Variants in PPP1R12B observed in about 807,000 individuals in gnomAD.
PPP1R12B encodes myosin phosphatase target subunit 2.
PPP1R12B carries 76 observed loss-of-function variants against 126.1 expected under a neutral mutation model. The ratio of observed to expected loss-of-function variants is 0.60; its 90% CI spans 0.50 to 0.73. The LOEUF (loss-of-function observed/expected upper bound fraction) is 0.73. Among genes scored for constraint, PPP1R12B ranks in the 30% least tolerant of loss-of-function variants. The probability of loss-of-function intolerance (pLI) is 0.00; values close to 1 mark genes in which losing one functional copy is unlikely to be tolerated. For missense variants in PPP1R12B, 1,052 were observed against 1,205.1 expected (o/e 0.87, Z 1.88); for synonymous variants, 356 against 434.7 (o/e 0.82, Z 2.25).
intron 1 of PPP1R12B, among the ~76,000 whole-genome samples, chr1:202,394,722 C>G (rs1664682979): frequency 6.6e-6 from 1 of 151,518 alleles, no homozygotes; most frequent in Non-Finnish European, 1.5e-5. Context: ...CCATTGCACT[C>G]TAGCCTGGGC....
chr1:202,402,597 C>T (rs892917293), intron 1 of PPP1R12B, among the ~76,000 whole-genome samples: 1 of 152,202 alleles, frequency 6.6e-6, no homozygotes, highest in Non-Finnish European at 1.5e-5. Context: ...CAGATTTGGA[C>T]TGTTAAGGCC....
chr1:202,559,098 C>T (rs1479135205), intron 19 of PPP1R12B, among the ~76,000 whole-genome samples: 1 of 152,238 alleles, frequency 6.6e-6, no homozygotes. Context: ...CTTCCTGCTT[C>T]CAGATTCTCC....
chr1:202,467,431 G>T (rs895489665), intron 13 of PPP1R12B, among the ~76,000 whole-genome samples: 2 of 151,146 alleles, frequency 1.3e-5, no homozygotes, highest in African/African-American at 4.9e-5. Flanking sequence ...GTGTCCATGT[G>T]TTCTCATTGT....
intron 8 of PPP1R12B, among the ~76,000 whole-genome samples, chr1:202,433,830 G>A (rs1670486535): frequency 1.3e-5 from 2 of 152,142 alleles, no homozygotes; most frequent in Non-Finnish European, 2.9e-5. Flanking sequence ...CTCTAGCACT[G>A]CCTACTTAAC....
intron 1 of PPP1R12B, among the ~76,000 whole-genome samples, chr1:202,364,563 AATTTATTTATTTTT>A (rs1658794839): frequency 6.6e-6 from 1 of 151,600 alleles, no homozygotes; most frequent in African/African-American, 2.4e-5. Flanking sequence ...TTTTTTAATT[AATTTATTTATTTTT>A]ATTTATTTAT....
intron 18 of PPP1R12B, among the ~76,000 whole-genome samples, chr1:202,547,128 T>C (rs1233146717): frequency 6.6e-6 from 1 of 152,204 alleles, no homozygotes; most frequent in Admixed American, 6.5e-5. Context: ...CTAAGCTGTG[T>C]GACAAATACC....
At chr1:202,381,094 T>C (rs921468538) in intron 1 of PPP1R12B, among the ~76,000 whole-genome samples, 1 of 152,250 alleles carries the variant, frequency 6.6e-6, no homozygotes, top group African/African-American at 2.4e-5. Context: ...AATGTGTCTG[T>C]ATTCCCTTGC....
intron 13 of PPP1R12B, chr1:202,463,025 G>A: frequency 2.0e-6 from 2 of 985,390 alleles, no homozygotes; most frequent in Non-Finnish European, 2.4e-6. Flanking sequence ...AGTACTCTGT[G>A]TTTGGATGCT....
At chr1:202,415,696 G>A (rs1046168083) in intron 1 of PPP1R12B, among the ~76,000 whole-genome samples, 3 of 152,118 alleles carry the variant, frequency 2.0e-5, no homozygotes, top group African/African-American at 4.8e-5. Flanking sequence ...TATTCAGAAA[G>A]CTTCTGCTTT....
intron 1 of PPP1R12B, among the ~76,000 whole-genome samples, chr1:202,378,192 A>G (rs530910808): frequency 9.5e-5 from 14 of 147,722 alleles, no homozygotes; most frequent in African/African-American, 2.7e-4. Context: ...TTTATTAAGC[A>G]TCCGTTCTGT....
In PPP1R12B at chr1:202,590,067, A is replaced by G. The variant is rs989227546; in HGVS notation, c.*9507A>G. 2 of 152,172 alleles carry G rather than the reference A, an allele frequency of 1.3e-5. No individual in the cohort carries two copies. The highest frequency in any genetic ancestry group is 2.9e-5 in the Non-Finnish European group (2 of 68,030). The allele number at this position is 152,172 out of a possible 1,614,324, so 9.4% of individuals were successfully genotyped here. Reference sequence around the variant, plus strand: ...CTTTCCCTAAAAATTCTGACGCCCTATCCCTGGTCCCTAACATCTTTGCTT... The same window carrying G: ...CTTTCCCTAAAAATTCTGACGCCCTGTCCCTGGTCCCTAACATCTTTGCTT... On this transcript the variant is annotated 3_prime_UTR_variant, in exon 24 of 24. Coordinates refer to ENST00000608999, the MANE Select transcript of PPP1R12B (RefSeq NM_002481.4).
intron 18 of PPP1R12B, among the ~76,000 whole-genome samples, chr1:202,507,921 G>T (rs1681003518): frequency 6.6e-6 from 1 of 152,226 alleles, no homozygotes; most frequent in Admixed American, 6.5e-5. Flanking sequence ...GAGGTAGAAA[G>T]CTTGATGTGG....
At chr1:202,473,752 T>G (rs1405245333) in intron 13 of PPP1R12B, among the ~76,000 whole-genome samples, 2 of 152,232 alleles carry the variant, frequency 1.3e-5, no homozygotes, top group East Asian at 3.8e-4. Context: ...CTTCTCCTCC[T>G]CCTTAGTAGC....
At chr1:202,537,741 T>C (rs1684694966) in intron 18 of PPP1R12B, among the ~76,000 whole-genome samples, 1 of 152,216 alleles carries the variant, frequency 6.6e-6, no homozygotes. Context: ...GTTCTTGCCA[T>C]GCCTTTAAGG....
In PPP1R12B at chr1:202,446,248, A is replaced by C. The variant is rs1340170188; in HGVS notation, c.1668-2741A>C. 4.9e-5 allele frequency among the ~76,000 whole-genome samples: 3 copies of C among 60,664 alleles called. 1 individual carries two copies. In the South Asian group the frequency reaches 1.7e-3, roughly 34 times the overall value. The allele number at this position is 60,664 out of a possible 152,430, so 39.8% of individuals were successfully genotyped here. On this transcript the variant is annotated intron_variant, in intron 12 of 23. Transcript: ENST00000608999. ...TCTCTCTCTCTCTCTATATATATATATATATATATTTTTTTTTTTTTTTGA... is the reference window on the plus strand; with the variant it reads ...TCTCTCTCTCTCTCTATATATATATCTATATATATTTTTTTTTTTTTTTGA...
intron 13 of PPP1R12B, among the ~76,000 whole-genome samples, chr1:202,478,030 A>C (rs1342236996): frequency 6.6e-6 from 1 of 152,186 alleles, no homozygotes; most frequent in Non-Finnish European, 1.5e-5. Flanking sequence ...CTGTTTTGTG[A>C]GACTGTATCT....
intron 13 of PPP1R12B, among the ~76,000 whole-genome samples, chr1:202,460,731 AT>A (rs2148755504): frequency 6.6e-6 from 1 of 152,306 alleles, no homozygotes; most frequent in Non-Finnish European, 1.5e-5. Context: ...ATTTTCTACT[AT>A]ATTACAATTC....
intron 13 of PPP1R12B, among the ~76,000 whole-genome samples, chr1:202,474,967 C>T (rs1051115550): frequency 2.6e-5 from 4 of 152,118 alleles, no homozygotes; most frequent in African/African-American, 9.6e-5. Context: ...ACTTAGAGGC[C>T]GTTTGTTCAG....
intron 1 of PPP1R12B, among the ~76,000 whole-genome samples, chr1:202,411,614 G>A (rs1667405635): frequency 1.3e-5 from 2 of 151,804 alleles, no homozygotes; most frequent in Admixed American, 6.6e-5. Flanking sequence ...TCCCCTTGAG[G>A]CAGTTGCTGT....
Sources: gnomAD v4.1 joint callset for allele counts (sites outside exome capture counted in the v4.1 genomes callset) on GRCh38, gnomAD v4.1.1 for gene constraint, MANE v1.5 for transcripts, NCBI Gene and HGNC (gene_info 2026-07-23, HGNC 2026-07-21) for gene names.